RAPGEF6: variants seen among roughly 807,000 people sequenced by gnomAD.
The protein encoded by RAPGEF6 is PDZ domain containing guanine nucleotide exchange factor (GEF) 2.
RAPGEF6 carries 56 observed loss-of-function variants against 171.4 expected under a neutral mutation model. That is an observed-to-expected ratio of 0.33 (90% CI 0.26 to 0.41). The LOEUF is 0.41. Among genes scored for constraint, RAPGEF6 ranks in the 10% least tolerant of loss-of-function variants. The pLI, the probability that RAPGEF6 is intolerant of heterozygous loss-of-function variation, is 1.00. For missense variants in RAPGEF6, 1,674 were observed against 1,921.4 expected, an observed-to-expected ratio of 0.87 and a Z score of 2.41; for synonymous variants, 692 against 650.1, an observed-to-expected ratio of 1.06 and a Z score of -0.98.
chr5:131,557,823 C>T (rs542446318), intron 5 of RAPGEF6, among the ~76,000 whole-genome samples: 2 of 152,068 alleles, frequency 1.3e-5, no homozygotes, highest in Non-Finnish European at 2.9e-5. Context: ...CATTCAAATG[C>T]TAAATCAATT....
At chr5:131,574,736 G>A (rs938879632) in intron 4 of RAPGEF6, among the ~76,000 whole-genome samples, 3 of 151,598 alleles carry the variant, frequency 2.0e-5, no homozygotes, top group African/African-American at 7.3e-5. Flanking sequence ...TCCTCCTCTC[G>A]TGTCTCCCTC....
chr5:131,548,134 T>C lies in RAPGEF6; in HGVS notation c.408A>G (p.Arg136=), dbSNP rs1469709555. ...DSILQREIPA[R]QSRRRFRKIN... Reference sequence around the variant, plus strand: ...TTTTCCGAAATCTTCTTCGGGATTGTCTGGCAGGAATTTCTCTTTGTAGAA... The same window carrying C: ...TTTTCCGAAATCTTCTTCGGGATTGCCTGGCAGGAATTTCTCTTTGTAGAA... The change falls in exon 6 of 28, where the codon AGA becomes AGG. Residue 136 remains arginine, a synonymous_variant. Coordinates refer to ENST00000509018, the MANE Select transcript of RAPGEF6 (RefSeq NM_016340.6). The C allele has an allele frequency of 1.2e-6, 2 of 1,613,934 alleles. No individual in the cohort carries two copies. Among genetic ancestry groups the C allele is most frequent in the Admixed American group, 1.7e-5 (1 of 60,002 alleles).
rs1205850374 is a variant in RAPGEF6 at position 131,431,007 on chromosome 5, C to G, written c.4317G>C (p.Leu1439=). ...CATAGTTTGGTTCATACGTGTCAGACAGAGAACTGGAGGAGGTCCAACTCT... is the reference window on the plus strand; with the variant it reads ...CATAGTTTGGTTCATACGTGTCAGAGAGAGAACTGGAGGAGGTCCAACTCT... The part of the protein sequence containing the change: ...ERKSWTSSSS[L]SDTYEPNYGT... The change falls in exon 26 of 28, where the codon CTG becomes CTC. Residue 1439 remains leucine (L), a synonymous_variant. Transcript: ENST00000509018. 1.2e-6 allele frequency: 2 copies of G among 1,614,200 alleles called. No individual in the cohort carries two copies. Among genetic ancestry groups the G allele is most frequent in the Non-Finnish European group, 1.7e-6 (2 of 1,180,034 alleles).
At chr5:131,464,832 T>C (rs1254524599) in intron 17 of RAPGEF6, among the ~76,000 whole-genome samples, 1 of 152,204 alleles carries the variant, frequency 6.6e-6, no homozygotes. Context: ...TTTTGAAATA[T>C]ACTGCCAAAC....
chr5:131,563,022 T>C (rs770931097), intron 4 of RAPGEF6, among the ~76,000 whole-genome samples: 4 of 151,750 alleles, frequency 2.6e-5, no homozygotes, highest in African/African-American at 4.8e-5. Context: ...GAGAAAAAGA[T>C]AGGTTTCCAT....
At chr5:131,431,746 T>A (rs1401031573) in intron 25 of RAPGEF6, among the ~76,000 whole-genome samples, 1 of 152,028 alleles carries the variant, frequency 6.6e-6, no homozygotes, top group East Asian at 1.9e-4. Context: ...CGCCTCAGCC[T>A]CCCCAGCAGC....
chr5:131,613,323 T>C (rs1005606974), intron 1 of RAPGEF6, among the ~76,000 whole-genome samples: 3 of 152,036 alleles, frequency 2.0e-5, no homozygotes, highest in Non-Finnish European at 4.4e-5. Flanking sequence ...GGCAGGAGAA[T>C]AGTGTGAACC....
chr5:131,456,054 G>C (rs1332736020), intron 19 of RAPGEF6, 42 bp from the exon 20 acceptor site: 1 of 1,523,406 alleles, frequency 6.6e-7, no homozygotes, highest in South Asian at 1.1e-5. Context: ...GAAACTTGGG[G>C]AAAGGGGTGG....
At chr5:131,569,496 G>GT (rs1176402384) in intron 4 of RAPGEF6, among the ~76,000 whole-genome samples, 7 of 151,986 alleles carry the variant, frequency 4.6e-5, no homozygotes, top group African/African-American at 1.4e-4. Flanking sequence ...ACCATGCTAG[G>GT]TAAAATGAAT....
chr5:131,487,286 T>C (rs1317045871), intron 15 of RAPGEF6, among the ~76,000 whole-genome samples: 1 of 152,234 alleles, frequency 6.6e-6, no homozygotes, highest in South Asian at 2.1e-4. Flanking sequence ...CAAGATTTAT[T>C]GTGAAGAATG....
intron 6 of RAPGEF6, among the ~76,000 whole-genome samples, chr5:131,534,878 CAG>C (rs1474208120): frequency 6.6e-6 from 1 of 152,020 alleles, no homozygotes; most frequent in Non-Finnish European, 1.5e-5. Context: ...ATAGTACCAA[CAG>C]AATATATTAT....
intron 15 of RAPGEF6, among the ~76,000 whole-genome samples, chr5:131,482,244 C>T (rs1755535715): frequency 6.6e-6 from 1 of 150,424 alleles, no homozygotes; most frequent in Non-Finnish European, 1.5e-5. Context: ...TGATTTTAAG[C>T]CATATGGTAA....
intron 4 of RAPGEF6, among the ~76,000 whole-genome samples, chr5:131,571,518 A>G (rs1762283249): frequency 6.6e-6 from 1 of 152,240 alleles, no homozygotes; most frequent in South Asian, 2.1e-4. Flanking sequence ...AGATCAGCAT[A>G]TACAATATCT....
chr5:131,546,012 T>C (rs1460065844), intron 6 of RAPGEF6, among the ~76,000 whole-genome samples: 1 of 152,166 alleles, frequency 6.6e-6, no homozygotes, highest in Non-Finnish European at 1.5e-5. Context: ...ATCTAGAAGA[T>C]GACAACTCTC....
intron 24 of RAPGEF6, among the ~76,000 whole-genome samples, chr5:131,438,115 A>AT (rs1554070066): frequency 6.6e-6 from 1 of 151,956 alleles, no homozygotes; most frequent in Admixed American, 6.6e-5. Context: ...CGGCCTCCTG[A>AT]GTAGCTGGGA....
intron 4 of RAPGEF6, among the ~76,000 whole-genome samples, chr5:131,585,267 G>T (rs1231173898): frequency 1.8e-5 from 1 of 54,232 alleles, no homozygotes. Context: ...AAAAGTTCTA[G>T]AAAATAAGAA....
chr5:131,603,263 ATACT>A lies in RAPGEF6; in HGVS notation c.197+4_197+7del. 6.3e-7 allele frequency: 1 copy of A among 1,580,066 alleles called. No homozygotes were observed. The highest frequency in any genetic ancestry group is 8.6e-7 in the Non-Finnish European group (1 of 1,159,950). On this transcript the variant is annotated splice_donor_5th_base_variant and intron_variant, in intron 3 of 27. Coordinates refer to ENST00000509018, the MANE Select transcript of RAPGEF6 (RefSeq NM_016340.6). ...TCATTAGTTTATGTGAATTATGGAA[ATACT>A]TACCAAAAGAGAACCTGATTGCCAC... is the stretch of plus-strand genomic sequence containing the variant.
intron 1 of RAPGEF6, among the ~76,000 whole-genome samples, chr5:131,624,073 G>A (rs1329155943): frequency 1.1e-4 from 17 of 152,216 alleles, no homozygotes; most frequent in Admixed American, 1.1e-3. Flanking sequence ...TACCAGGCCA[G>A]AGGATGGTTT....
chr5:131,558,171 T>C (rs1442010905), intron 5 of RAPGEF6, among the ~76,000 whole-genome samples: 2 of 151,902 alleles, frequency 1.3e-5, no homozygotes, highest in East Asian at 1.9e-4. Context: ...CTTTTCTAGA[T>C]ATTGGCTTGT....
Sources: gnomAD v4.1 joint callset for allele counts (sites outside exome capture counted in the v4.1 genomes callset) on GRCh38, gnomAD v4.1.1 for gene constraint, MANE v1.5 for transcripts, NCBI Gene and HGNC (gene_info 2026-07-23, HGNC 2026-07-21) for gene names.